The following DDX49 variants were observed in gnomAD, a reference collection of about 807,000 sequenced individuals.
The protein encoded by DDX49 is DEAD-box helicase 49.
A neutral mutation model predicts 56.3 loss-of-function variants in DDX49; 50 were observed. The ratio of observed to expected loss-of-function variants is 0.89; its 90% confidence interval spans 0.71 to 1.12. The LOEUF (loss-of-function observed/expected upper bound fraction) is 1.12, where lower values mean the gene tolerates loss of function less well. Among genes scored for constraint, DDX49 ranks in the 50% most tolerant of loss-of-function variants. The pLI, the probability that DDX49 is intolerant of heterozygous loss-of-function variation, is 0.00. For missense variants in DDX49, 614 were observed against 650.5 expected (o/e 0.94, Z 0.61); for synonymous variants, 269 against 270.6 (o/e 0.99, Z 0.06).
In DDX49 at chr19:18,922,709, G is replaced by A. The variant is rs758325689; in HGVS notation, c.741G>A (p.Glu247=). ...TCCAGCGCTTCCAGGATGAGCACGA[G>A]GACTGGTCCATTATCATCTTCACCA... ...HLIQRFQDEH[E]DWSIIIFTNT... is the part of the protein sequence containing the mutation. The change falls in exon 6 of 13, where the codon GAG becomes GAA. Residue 247 remains glutamate, a synonymous_variant. Transcript: ENST00000247003. The A allele has an allele frequency of 7.4e-6, 12 of 1,613,812 alleles. No individual in the cohort carries two copies. Among genetic ancestry groups the A allele is most frequent in the Admixed American group, 1.7e-5 (1 of 60,002 alleles).
In DDX49 at chr19:18,919,728, A is replaced by C. The variant is rs1288376588; in HGVS notation, c.-14A>C. On this transcript the variant is annotated 5_prime_UTR_variant, in exon 1 of 13. Transcript: ENST00000247003. ...ACGGGCCCCTACAAGGGGCCCCTAC[A>C]AGCGGCCACAAGGATGGCAGGCTTC... 1.6e-5 allele frequency: 26 copies of C among 1,604,824 alleles called. No individual in the cohort carries two copies. Among genetic ancestry groups the C allele is most frequent in the Non-Finnish European group, 2.2e-5 (26 of 1,173,256 alleles).
intron 1 of DDX49, among the ~76,000 whole-genome samples, chr19:18,920,288 G>C (rs946488072): frequency 6.6e-6 from 1 of 152,208 alleles, no homozygotes; most frequent in Non-Finnish European, 1.5e-5. Context: ...CGCCATTAAA[G>C]AGAGGCCCAC....
chr19:18,923,134 T>C (rs1249450457), intron 6 of DDX49, among the ~76,000 whole-genome samples: 1 of 152,112 alleles, frequency 6.6e-6, no homozygotes, highest in African/African-American at 2.4e-5. Context: ...ATTGAATTGT[T>C]TGGGAAGGTC....
chr19:18,920,895 CT>C (rs1348883194), intron 2 of DDX49, 192 bp downstream of exon 2: 1 of 440,038 alleles, frequency 2.3e-6, no homozygotes, highest in South Asian at 3.5e-5. Flanking sequence ...AATCCCAGCA[CT>C]TTGGGAGCTC....
chr19:18,922,553 A>C (rs2145100188), intron 5 of DDX49, 40 bp downstream of exon 5: 2 of 1,598,510 alleles, frequency 1.3e-6, no homozygotes, highest in South Asian at 1.1e-5. Flanking sequence ...GGGCAGCCCC[A>C]TCCTACAGAC....
intron 2 of DDX49, 83 bp downstream of exon 2, chr19:18,920,786 T>C (rs763531800): frequency 7.1e-7 from 1 of 1,415,946 alleles, no homozygotes; most frequent in African/African-American, 1.4e-5. Context: ...TGAGCGCCCT[T>C]TTCCCACGTG....
At chr19:18,927,943 T>C (rs765303128) in intron 11 of DDX49, 22 bp from the exon 12 acceptor site, 1 of 1,613,794 alleles carries the variant, frequency 6.2e-7, no homozygotes, top group South Asian at 1.1e-5. Context: ...CAGCATCTCC[T>C]TACCCCACTT....
At chr19:18,921,313 T>C (rs2056915177) in intron 2 of DDX49, among the ~76,000 whole-genome samples, 1 of 150,668 alleles carries the variant, frequency 6.6e-6, no homozygotes, top group Admixed American at 6.6e-5. Flanking sequence ...CAGGACAGAG[T>C]TGGTTGGGGG....
intron 9 of DDX49, chr19:18,925,266 A>C: frequency 7.3e-6 from 3 of 412,102 alleles, no homozygotes; most frequent in African/African-American, 2.0e-5. Context: ...AAAAAATAAA[A>C]TAAAATAGGC....
Position 18,922,414 on chromosome 19 carries a change from G to T in DDX49, c.536G>T (p.Arg179Leu), listed in dbSNP as rs749236961. The stretch of plus-strand genomic sequence containing the variant: ...GCCATCCTGGCGGCTGTGCCGGCCC[G>T]CAGGCAGACACTGCTGTTCAGCGCC... ...LEAILAAVPA[R>L]RQTLLFSATL... Residue 179 changes from arginine to leucine, a missense_variant, in exon 5 of 13, where the codon CGC (arginine) becomes CTC (leucine). Transcript: ENST00000247003. 1.2e-6 allele frequency: 2 copies of T among 1,609,364 alleles called. No individual in the cohort carries two copies. Among genetic ancestry groups the T allele is most frequent in the South Asian group, 1.1e-5 (1 of 90,606 alleles).
chr19:18,925,620 A>AG (rs1306532441), intron 9 of DDX49, among the ~76,000 whole-genome samples: 3 of 152,252 alleles, frequency 2.0e-5, no homozygotes, highest in Non-Finnish European at 4.4e-5. Flanking sequence ...AATGCAAGTC[A>AG]GGTGCTGCCT....
Position 18,921,712 on chromosome 19 carries a change from C to G in DDX49, c.289C>G (p.Leu97Val). ...GCAGTTCCGGGTCCTGGGGAAGCCT[C>G]TAGGGCTGAAAGACTGCATCATCGT... ...AEQFRVLGKP[L>V]GLKDCIIVGG... Residue 97 changes from leucine (L) to valine (V), a missense_variant, in exon 3 of 13, where the codon CTA becomes GTA. Leu to Val is a conservative substitution (Grantham distance 32). Coordinates refer to ENST00000247003, the MANE Select transcript of DDX49 (RefSeq NM_019070.5). 1 of 1,614,114 alleles carries G rather than the reference C, an allele frequency of 6.2e-7. No homozygotes were observed. The highest frequency in any genetic ancestry group is 1.1e-5 in the South Asian group (1 of 91,086).
chr19:18,924,167 G>C (rs2056941570), intron 6 of DDX49, 66 bp from the exon 7 acceptor site: 3 of 1,520,226 alleles, frequency 2.0e-6, no homozygotes, highest in East Asian at 2.3e-5. Flanking sequence ...AGGGGCGGGT[G>C]GGGGCAGGAA....
chr19:18,920,494 T>C, intron 1 of DDX49, 86 bp from the exon 2 acceptor site: 2 of 1,410,736 alleles, frequency 1.4e-6, no homozygotes, highest in South Asian at 1.4e-5. Context: ...AGCCTGCCAC[T>C]CACTGGCAGT....
Position 18,927,804 on chromosome 19 carries a change from G to A in DDX49, c.1141G>A (p.Val381Met). Residue 381 changes from valine to methionine, a missense_variant, in exon 11 of 13, where the codon GTG (valine) becomes ATG (methionine). Transcript: ENST00000247003. ...GGAGTTCTCCGTGGAAGAGGCCGAG[G>A]TGCTACAGATCCTCACACAGGTCAA... is the stretch of plus-strand genomic sequence containing the variant. ...LEEFSVEEAE[V>M]LQILTQVNVV... 3 of 1,614,028 alleles carry A rather than the reference G, an allele frequency of 1.9e-6. No individual in the cohort carries two copies. The highest frequency in any genetic ancestry group is 1.7e-6 in the Non-Finnish European group (2 of 1,180,016).
In DDX49 at chr19:18,921,645, GC is replaced by G; in HGVS notation, c.240-14del. The G allele has an allele frequency of 6.2e-7, 1 of 1,613,166 alleles. No homozygotes were observed. Among genetic ancestry groups the G allele is most frequent in the Non-Finnish European group, 8.5e-7 (1 of 1,179,384 alleles). ...CAGAACCACTACCTGACCCAGCCTG[GC>G]CCCTTCACACCCACAGGGAGCTGGC... On this transcript the variant is annotated splice_polypyrimidine_tract_variant and intron_variant, in intron 2 of 12. Transcript: ENST00000247003.
At position 18,924,492 on chromosome 19, in the gene DDX49, C is replaced by T. The variant is rs138743473; in HGVS notation, c.853-131C>T. The T allele has an allele frequency of 1.8e-3, 2,097 of 1,142,840 alleles. 5 individuals carry two copies. Among genetic ancestry groups the T allele is most frequent in the Non-Finnish European group, 2.4e-3 (1,882 of 768,428 alleles). The allele number at this position is 1,142,840 out of a possible 1,614,324, so 70.8% of individuals were successfully genotyped here. On this transcript the variant is annotated intron_variant, in intron 7 of 12. Coordinates refer to ENST00000247003, the MANE Select transcript of DDX49 (RefSeq NM_019070.5). ...TCTTTTAGCCGTCATTCATTTGTCC[C>T]GGTCTGACTTCTCATGGCCACCTTC...
rs1476550160 is a variant in DDX49 at position 18,922,337 on chromosome 19, G to A, written c.459G>A (p.Glu153=). 1.2e-6 allele frequency: 2 copies of A among 1,610,908 alleles called. No homozygotes were observed. Among genetic ancestry groups the A allele is most frequent in the East Asian group, 4.5e-5 (2 of 44,838 alleles). ...CATTGGCACGGCAGGTGATGGATGA[G>A]GCAGACCGGCTGCTGGAACAGGGCT... ...IKKIRFLVMD[E]ADRLLEQGCT... The change falls in exon 5 of 13, where the codon GAG becomes GAA. Residue 153 remains glutamate (E), a synonymous_variant. Coordinates refer to ENST00000247003, the MANE Select transcript of DDX49 (RefSeq NM_019070.5).
chr19:18,923,968 C>T (rs375284126), intron 6 of DDX49, among the ~76,000 whole-genome samples: 2 of 151,958 alleles, frequency 1.3e-5, no homozygotes, highest in African/African-American at 4.8e-5. Flanking sequence ...CCATCATGCC[C>T]GGCTAATTTT....
Sources: allele counts gnomAD v4.1 joint callset (sites outside exome capture counted in the v4.1 genomes callset), GRCh38; gene constraint gnomAD v4.1.1; transcripts MANE v1.5; gene names NCBI Gene and HGNC (gene_info 2026-07-23, HGNC 2026-07-21).